The following PHLPP1 variants were observed in gnomAD, a reference collection of about 807,000 sequenced individuals.
PHLPP1 encodes the protein PH domain and leucine rich repeat protein phosphatase 1, also known as PH domain leucine-rich repeat-containing protein phosphatase 1.
Under a neutral mutation model 117.2 loss-of-function variants are expected in PHLPP1, and 42 were observed. The ratio of observed to expected loss-of-function variants is 0.36; its 90% CI spans 0.28 to 0.46. The LOEUF is 0.46. Among genes scored for constraint, PHLPP1 ranks in the 20% least tolerant of loss-of-function variants. The pLI, the probability that PHLPP1 is intolerant of heterozygous loss-of-function variation, is 1.00. For synonymous variants in PHLPP1, 1,042 were observed against 970.7 expected (o/e 1.07, Z -1.37); for missense variants, 2,084 against 2,241.9 (o/e 0.93, Z 1.42).
At chr18:62,757,601 G>A (rs968693477) in intron 1 of PHLPP1, among the ~76,000 whole-genome samples, 2 of 152,200 alleles carry the variant, frequency 1.3e-5, no homozygotes, top group Non-Finnish European at 2.9e-5. Context: ...GAAACTGGCA[G>A]TGTGCTGGTA....
At chr18:62,927,681 A>G (rs1007204941) in intron 10 of PHLPP1, among the ~76,000 whole-genome samples, 3 of 152,148 alleles carry the variant, frequency 2.0e-5, no homozygotes, top group Non-Finnish European at 4.4e-5. Flanking sequence ...AAAATAAGAT[A>G]AAGAATTATT....
At chr18:62,792,130 T>A (rs181683185) in intron 1 of PHLPP1, among the ~76,000 whole-genome samples, 17 of 152,342 alleles carry the variant, frequency 1.1e-4, no homozygotes, top group Non-Finnish European at 1.2e-4. Flanking sequence ...AACTATCATT[T>A]TCAGTGACTG....
chr18:62,967,488 T>A (rs1181943936), intron 14 of PHLPP1, among the ~76,000 whole-genome samples: 4 of 152,166 alleles, frequency 2.6e-5, no homozygotes, highest in Non-Finnish European at 4.4e-5. Flanking sequence ...CCCTACTCTT[T>A]CCATATGTTT....
At chr18:62,919,910 T>G in intron 9 of PHLPP1, 49 bp from the exon 10 acceptor site, 1 of 1,344,624 alleles carries the variant, frequency 7.4e-7, no homozygotes, top group Middle Eastern at 1.8e-4. Flanking sequence ...TAATTTTAAG[T>G]ATTCTTTACT....
At chr18:62,952,093 C>T (rs1257166231) in intron 12 of PHLPP1, among the ~76,000 whole-genome samples, 1 of 151,922 alleles carries the variant, frequency 6.6e-6, no homozygotes. Context: ...GCTGGGATTA[C>T]AGGCGTGAGC....
At chr18:62,743,294 T>C (rs78612986) in intron 1 of PHLPP1, among the ~76,000 whole-genome samples, 1 of 148,474 alleles carries the variant, frequency 6.7e-6, no homozygotes, top group African/African-American at 2.5e-5. Flanking sequence ...AAAAACAGCT[T>C]TTTTTTTTTT....
At chr18:62,906,538 G>A (rs1190997577) in intron 8 of PHLPP1, 1 of 134,660 alleles carries the variant, frequency 7.4e-6, no homozygotes, top group Admixed American at 7.7e-5. Context: ...TCAAAGAAAG[G>A]GGTGACGGAC....
chr18:62,747,932 CAA>C (rs1007419924), intron 1 of PHLPP1, among the ~76,000 whole-genome samples: 4 of 152,088 alleles, frequency 2.6e-5, no homozygotes, highest in African/African-American at 7.2e-5. Flanking sequence ...GTATAATTGT[CAA>C]AGTGCCTGGA....
intron 1 of PHLPP1, among the ~76,000 whole-genome samples, chr18:62,760,270 G>T (rs540552867): frequency 6.6e-5 from 10 of 151,096 alleles, no homozygotes; most frequent in Non-Finnish European, 1.3e-4. Flanking sequence ...AGCTGCCTCC[G>T]TAGATGATAC....
Position 62,940,395 on chromosome 18 carries a change from C to A in PHLPP1, c.2961-1323C>A, listed in dbSNP as rs141697119. ...TTTTTTTTTTTTTGAGATGGAATCT[C>A]GCTCTGTCGCCCAGGCTGGAGTACA... On this transcript the variant is annotated intron_variant, in intron 10 of 16. Transcript: ENST00000262719. Among the ~76,000 whole-genome samples the A allele has an allele frequency of 6.1e-5, 6 of 98,138 alleles. No individual in the cohort carries two copies. In the South Asian group the frequency reaches 2.2e-3, roughly 36 times the overall value. 64.4% of individuals were successfully genotyped at this position (98,138 alleles called of 152,430 possible).
intron 3 of PHLPP1, 109 bp downstream of exon 3, chr18:62,839,018 C>T: frequency 8.7e-7 from 1 of 1,153,002 alleles, no homozygotes; most frequent in Admixed American, 2.3e-5. Context: ...CTTTTTTTTT[C>T]CTCCCCAGAT....
chr18:62,924,161 T>C (rs1463522991), intron 10 of PHLPP1, among the ~76,000 whole-genome samples: 3 of 152,212 alleles, frequency 2.0e-5, no homozygotes, highest in Non-Finnish European at 4.4e-5. Context: ...ATTTTGTTGT[T>C]GGATGATACA....
chr18:62,786,113 T>G (rs903226614), intron 1 of PHLPP1, among the ~76,000 whole-genome samples: 1 of 152,230 alleles, frequency 6.6e-6, no homozygotes, highest in African/African-American at 2.4e-5. Flanking sequence ...CCAGAGCATC[T>G]TCCTAAAAGA....
intron 1 of PHLPP1, among the ~76,000 whole-genome samples, chr18:62,758,789 C>T (rs763552290): frequency 7.9e-5 from 12 of 152,144 alleles, no homozygotes; most frequent in Admixed American, 2.6e-4. Flanking sequence ...AACAAAAAAA[C>T]GATCTTTCCA....
chr18:62,728,503 T>C (rs1911140425), intron 1 of PHLPP1, among the ~76,000 whole-genome samples: 1 of 149,658 alleles, frequency 6.7e-6, no homozygotes, highest in African/African-American at 2.5e-5. Context: ...CTTATCTTTA[T>C]CTTTTTTTTT....
chr18:62,964,795 T>C (rs1910858870), intron 14 of PHLPP1, among the ~76,000 whole-genome samples: 1 of 152,218 alleles, frequency 6.6e-6, no homozygotes. Flanking sequence ...ATGAAACTGC[T>C]CATTTCTGAA....
Position 62,975,387 on chromosome 18 carries a change from C to T in PHLPP1, c.3756-10C>T, listed in dbSNP as rs369702107. The T allele has an allele frequency of 1.1e-5, 18 of 1,600,554 alleles. No homozygotes were observed. Among genetic ancestry groups the T allele is most frequent in the Non-Finnish European group, 1.5e-5 (17 of 1,168,800 alleles). ...GTGTTTGAGTGTCACCCCCTCTCTT[C>T]GGATTCCAGGAAACTTGGAACTGCT... is the stretch of plus-strand genomic sequence containing the variant. On this transcript the variant is annotated splice_polypyrimidine_tract_variant and intron_variant, in intron 15 of 16. Coordinates refer to ENST00000262719, the MANE Select transcript of PHLPP1 (RefSeq NM_194449.4).
chr18:62,777,332 A>T (rs1912990164), intron 1 of PHLPP1, among the ~76,000 whole-genome samples: 1 of 152,078 alleles, frequency 6.6e-6, no homozygotes, highest in Non-Finnish European at 1.5e-5. Context: ...CCATTCAGAT[A>T]TCTTCATTTA....
At chr18:62,782,301 C>T (rs578206744) in intron 1 of PHLPP1, among the ~76,000 whole-genome samples, 1 of 152,174 alleles carries the variant, frequency 6.6e-6, no homozygotes, top group African/African-American at 2.4e-5. Flanking sequence ...TTCTGCTGAA[C>T]CAAGTAAGGG....
Sources: gnomAD v4.1 joint callset for allele counts (sites outside exome capture counted in the v4.1 genomes callset) on GRCh38, gnomAD v4.1.1 for gene constraint, MANE v1.5 for transcripts, NCBI Gene and HGNC (gene_info 2026-07-23, HGNC 2026-07-21) for gene names.